Variants in PGRMC1 observed in about 807,000 individuals in gnomAD.
PGRMC1 encodes progesterone receptor membrane component 1.
For missense variants in PGRMC1, 145 were observed against 169.0 expected, an observed-to-expected ratio of 0.86 and a Z score of 0.79; for synonymous variants, 73 against 77.3, an observed-to-expected ratio of 0.94 and a Z score of 0.29.
chrX:119,241,274 T>C (rs1930812854), intron 2 of PGRMC1, among the ~76,000 whole-genome samples: 1 of 112,558 alleles, frequency 8.9e-6, no homozygotes, highest in South Asian at 3.7e-4. Flanking sequence ...ACATGTTCTC[T>C]TGGCTATATC....
rs1273962714 is a variant in PGRMC1 at position 119,243,878 on chromosome X, C to G, written c.*624C>G. The G allele has an allele frequency of 8.9e-6, 1 of 112,738 alleles. No individual in the cohort carries two copies. Among genetic ancestry groups the G allele is most frequent in the African/African-American group, 3.2e-5 (1 of 30,804 alleles). The allele number at this position is 112,738 out of a possible 1,213,427, so 9.3% of individuals were successfully genotyped here. A position where few individuals can be genotyped will look rare whatever the true frequency, so the allele number is the denominator to read the frequency against. On this transcript the variant is annotated 3_prime_UTR_variant, in exon 3 of 3. Coordinates refer to ENST00000217971, the MANE Select transcript of PGRMC1 (RefSeq NM_006667.5). Reference sequence around the variant, plus strand: ...CAGACACCCTCACAAACACAGTAGTCTATAGTTAGGATTAAAATAGGATCT... The same window carrying G: ...CAGACACCCTCACAAACACAGTAGTGTATAGTTAGGATTAAAATAGGATCT...
intron 2 of PGRMC1, 98 bp from the exon 3 acceptor site, chrX:119,243,053 A>G: frequency 7.0e-6 from 4 of 573,597 alleles, no homozygotes; most frequent in Non-Finnish European, 1.2e-5. Context: ...ATTGCTGAGT[A>G]TATTGCAGGC....
Position 119,236,413 on chromosome X carries a change from A to C in PGRMC1, c.50A>C (p.Glu17Ala). ...VATGADPSDLESGGLLHEIFT... is the reference protein window; with the variant it reads ...VATGADPSDLASGGLLHEIFT... ...ACTGGCGCCGACCCAAGCGATCTGG[A>C]GAGCGGCGGGCTGCTGCATGAGATT... Residue 17 changes from glutamate (E) to alanine (A), a missense_variant, in exon 1 of 3, where the codon GAG becomes GCG. Coordinates refer to ENST00000217971, the MANE Select transcript of PGRMC1 (RefSeq NM_006667.5). 8.3e-7 allele frequency: 1 copy of C among 1,211,139 alleles called. No individual in the cohort carries two copies. Among genetic ancestry groups the C allele is most frequent in the Non-Finnish European group, 1.1e-6 (1 of 895,025 alleles).
chrX:119,242,030 C>G, intron 2 of PGRMC1, among the ~76,000 whole-genome samples: 1 of 111,760 alleles, frequency 8.9e-6, no homozygotes, highest in Middle Eastern at 4.7e-3. Flanking sequence ...CGTTCTGTCT[C>G]TTGCTCTCCT....
chrX:119,244,072 T>C lies in PGRMC1; in HGVS notation c.*818T>C, dbSNP rs1930886827. ...TCTCATTTGAAATGAGGGAGGGACA[T>C]ACAGAATAGGAACAGGTGTTTGCTC... On this transcript the variant is annotated 3_prime_UTR_variant, in exon 3 of 3. Transcript: ENST00000217971. The C allele has an allele frequency of 8.9e-6, 1 of 112,274 alleles. No individual in the cohort carries two copies. The highest frequency in any genetic ancestry group is 3.2e-5 in the African/African-American group (1 of 30,866). The allele number at this position is 112,274 out of a possible 1,213,427, so 9.3% of individuals were successfully genotyped here.
At position 119,236,288 on chromosome X, in the gene PGRMC1, C is replaced by A. The variant is rs749139112; in HGVS notation, c.-76C>A. The A allele has an allele frequency of 2.2e-5, 22 of 996,113 alleles. No individual in the cohort carries two copies. Among genetic ancestry groups the A allele is most frequent in the Non-Finnish European group, 5.6e-6 (4 of 714,538 alleles). The allele number at this position is 996,113 out of a possible 1,213,427, so 82.1% of individuals were successfully genotyped here. A position where few individuals can be genotyped will look rare whatever the true frequency, so the allele number is the denominator to read the frequency against. ...CCGCCGCCGAACCCCGCGCGCCACT[C>A]GCTCGCTCAGAGGGAGGAGAAAGTG... is the stretch of plus-strand genomic sequence containing the variant. On this transcript the variant is annotated 5_prime_UTR_variant, in exon 1 of 3. Coordinates refer to ENST00000217971, the MANE Select transcript of PGRMC1 (RefSeq NM_006667.5).
intron 1 of PGRMC1, among the ~76,000 whole-genome samples, chrX:119,238,387 G>A (rs1368648685): frequency 9.0e-6 from 1 of 111,553 alleles, no homozygotes; most frequent in Non-Finnish European, 1.9e-5. Flanking sequence ...CTTTCTATAG[G>A]CATGTAACTG....
intron 1 of PGRMC1, 41 bp downstream of exon 1, chrX:119,236,732 G>C (rs766154988): frequency 2.4e-5 from 26 of 1,079,770 alleles, no homozygotes. Context: ...AAAAGAAGGG[G>C]GCCCCGGCAC....
intron 1 of PGRMC1, among the ~76,000 whole-genome samples, chrX:119,239,759 G>A (rs111298006): frequency 6.3e-5 from 7 of 111,869 alleles, no homozygotes; most frequent in African/African-American, 1.9e-4. Flanking sequence ...TTAAACCACC[G>A]ATACTGTTAT....
intron 1 of PGRMC1, among the ~76,000 whole-genome samples, chrX:119,239,406 G>C (rs949037638): frequency 1.8e-5 from 2 of 111,593 alleles, no homozygotes; most frequent in Admixed American, 9.4e-5. Context: ...TTAATGTCAG[G>C]GCTGCTATTC....
At chrX:119,236,884 T>C (rs1603279774) in intron 1 of PGRMC1, among the ~76,000 whole-genome samples, 193 bp downstream of exon 1, 2 of 111,641 alleles carry the variant, frequency 1.8e-5, no homozygotes, top group Admixed American at 1.9e-4. Flanking sequence ...AGAGGCGCTC[T>C]AGAGGGGCTG....
intron 1 of PGRMC1, among the ~76,000 whole-genome samples, chrX:119,238,765 C>T (rs1930754294): frequency 8.9e-6 from 1 of 111,927 alleles, no homozygotes; most frequent in Non-Finnish European, 1.9e-5. Flanking sequence ...TCAGTGAGCC[C>T]ATGACTACGT....
chrX:119,243,696 C>A lies in PGRMC1; in HGVS notation c.*442C>A, dbSNP rs186282041. The stretch of plus-strand genomic sequence containing the variant: ...CTTAACTGCATGATTTCTGTTTTAT[C>A]TACCTCTAAAGCAAATCTGCAGTGT... On this transcript the variant is annotated 3_prime_UTR_variant, in exon 3 of 3. Coordinates refer to ENST00000217971, the MANE Select transcript of PGRMC1 (RefSeq NM_006667.5). 1.8e-5 allele frequency: 3 copies of A among 170,071 alleles called. No individual in the cohort carries two copies. The highest frequency in any genetic ancestry group is 3.2e-4 in the East Asian group (2 of 6,185). The allele number at this position is 170,071 out of a possible 1,213,427, so 14.0% of individuals were successfully genotyped here. A position where few individuals can be genotyped will look rare whatever the true frequency, so the allele number is the denominator to read the frequency against.
At chrX:119,243,127 T>G (rs927244885) in intron 2 of PGRMC1, 24 bp from the exon 3 acceptor site, 7 of 945,270 alleles carry the variant, frequency 7.4e-6, no homozygotes, top group Non-Finnish European at 4.6e-6. Context: ...GAATGACCAT[T>G]TGTGTTTTCT....
intron 1 of PGRMC1, among the ~76,000 whole-genome samples, chrX:119,236,900 C>G (rs1283894235): frequency 8.9e-6 from 1 of 112,109 alleles, no homozygotes; most frequent in Non-Finnish European, 1.9e-5. Flanking sequence ...GGCTGCGGGC[C>G]AGTCAGGGAC....
Position 119,243,377 on chromosome X carries a change from T to C in PGRMC1, c.*123T>C, listed in dbSNP as rs887112463. On this transcript the variant is annotated 3_prime_UTR_variant, in exon 3 of 3. Coordinates refer to ENST00000217971, the MANE Select transcript of PGRMC1 (RefSeq NM_006667.5). ...TTTTGAGCACTTGCTATAAGTTTTT[T>C]AATTAACATCACTAGTGACACTAAT... The C allele has an allele frequency of 2.0e-6, 1 of 509,069 alleles. No individual in the cohort carries two copies. The allele number at this position is 509,069 out of a possible 1,213,427, so 42.0% of individuals were successfully genotyped here.
At chrX:119,238,804 G>A (rs1930755741) in intron 1 of PGRMC1, among the ~76,000 whole-genome samples, 1 of 112,284 alleles carries the variant, frequency 8.9e-6, no homozygotes, top group Non-Finnish European at 1.9e-5. Flanking sequence ...GATGCTTCAT[G>A]TTGTAAAGGA....
intron 1 of PGRMC1, 129 bp downstream of exon 1, chrX:119,236,820 G>A: frequency 1.8e-6 from 1 of 552,712 alleles, no homozygotes; most frequent in Non-Finnish European, 2.8e-6. Flanking sequence ...GCTAGGGTAG[G>A]CGGGTAGGCG....
chrX:119,236,781 C>T, intron 1 of PGRMC1, 90 bp downstream of exon 1: 1 of 772,091 alleles, frequency 1.3e-6, no homozygotes, highest in African/African-American at 2.2e-5. Context: ...GAGCGGGGCG[C>T]CCCTGAGTGG....
Sources: gnomAD v4.1 joint callset for allele counts (sites outside exome capture counted in the v4.1 genomes callset) on GRCh38, gnomAD v4.1.1 for gene constraint, MANE v1.5 for transcripts, NCBI Gene and HGNC (gene_info 2026-07-23, HGNC 2026-07-21) for gene names.